DAB1: variants seen among roughly 807,000 people sequenced by gnomAD.
DAB1 encodes disabled homolog 1.
DAB1 carries 15 observed loss-of-function variants against 64.6 expected under a neutral mutation model. The observed-to-expected ratio is 0.23, with a 90% CI of 0.16 to 0.36. The LOEUF (loss-of-function observed/expected upper bound fraction) is 0.36. Among genes scored for constraint, DAB1 ranks in the 10% least tolerant of loss-of-function variants. The probability of loss-of-function intolerance (pLI) is 1.00; values close to 1 mark genes in which losing one functional copy is unlikely to be tolerated. For synonymous variants in DAB1, 235 were observed against 251.9 expected, an observed-to-expected ratio of 0.93 and a Z score of 0.64; for missense variants, 596 against 706.7, an observed-to-expected ratio of 0.84 and a Z score of 1.78.
intron 3 of DAB1, among the ~76,000 whole-genome samples, chr1:58,350,229 T>G (rs1311537075): frequency 3.3e-5 from 5 of 152,218 alleles, no homozygotes; most frequent in Non-Finnish European, 7.3e-5. Context: ...TTTTTTCACG[T>G]GTTTGTTGGC....
chr1:57,714,487 A>C (rs1647062045), intron 6 of DAB1, among the ~76,000 whole-genome samples: 2 of 152,216 alleles, frequency 1.3e-5, no homozygotes, highest in Admixed American at 1.3e-4. Context: ...TCTGGGGAGA[A>C]GATCCCAGAG....
At position 57,484,465 on chromosome 1, in the gene DAB1, G is replaced by A. The variant is rs536341830; in HGVS notation, n.625+165127C>T. Among the ~76,000 whole-genome samples the A allele has an allele frequency of 5.3e-5, 8 of 152,270 alleles. No individual in the cohort carries two copies. The South Asian group carries it at 1.2e-3, about 24-fold the overall frequency. The stretch of plus-strand genomic sequence containing the variant: ...AATGGTCCTTTCCAAGCAAGCAAAG[G>A]CATGGTGAGAAATAATTTGATTCCA... On this transcript the variant is annotated intron_variant and non_coding_transcript_variant, in intron 7 of 20. Transcript: ENST00000485760.
At position 58,139,660 on chromosome 1, in the gene DAB1, G is replaced by A. The variant is rs567310168; in HGVS notation, n.387+10851C>T. 6.4e-4 allele frequency among the ~76,000 whole-genome samples: 98 copies of A among 152,246 alleles called. 3 individuals carry two copies. In the South Asian group the frequency reaches 0.013, roughly 20 times the overall value. On this transcript the variant is annotated intron_variant and non_coding_transcript_variant, in intron 5 of 20. Coordinates refer to the DAB1 transcript ENST00000485760. The stretch of plus-strand genomic sequence containing the variant: ...GGTTGGGTGGGGACACAGCCAAACC[G>A]TATCATTTACCGAGCATGGTACTAA...
At position 58,300,612 on chromosome 1, in the gene DAB1, G is replaced by GAAAGAAAGAA. The variant is rs1456432665; in HGVS notation, n.309+42739_309+42740insTTCTTTCTTT. 6.9e-3 allele frequency among the ~76,000 whole-genome samples: 309 copies of GAAAGAAAGAA among 44,464 alleles called. 2 individuals are homozygous for GAAAGAAAGAA. Among genetic ancestry groups the GAAAGAAAGAA allele is most frequent in the African/African-American group, 0.015 (207 of 13,572 alleles). The allele number at this position is 44,464 out of a possible 152,430, so 29.2% of individuals were successfully genotyped here. ...AGAAAGAAAGAAAGAAAGAAAGAAA[G>GAAAGAAAGAA]AGAGAGAGAGAGAGAGAGAGAGAGA... On this transcript the variant is annotated intron_variant and non_coding_transcript_variant, in intron 4 of 20. Transcript: ENST00000485760.
At chr1:57,019,900 C>G (rs1343950922) in intron 11 of DAB1, among the ~76,000 whole-genome samples, 6 of 151,972 alleles carry the variant, frequency 3.9e-5, no homozygotes, top group Non-Finnish European at 7.4e-5. Flanking sequence ...TGGGGATGCC[C>G]CCATTATTTG....
chr1:57,966,438 G>A (rs1023613914), intron 5 of DAB1, among the ~76,000 whole-genome samples: 5 of 152,070 alleles, frequency 3.3e-5, no homozygotes, highest in African/African-American at 1.2e-4. Flanking sequence ...GAAGAACTGA[G>A]GCACCCAGCC....
chr1:57,668,732 A>G (rs1267260257), intron 6 of DAB1, among the ~76,000 whole-genome samples: 1 of 152,158 alleles, frequency 6.6e-6, no homozygotes, highest in Non-Finnish European at 1.5e-5. Context: ...TCTAGATCCT[A>G]AAAAGAGTGC....
rs57671970 is a variant in DAB1 at position 57,227,519 on chromosome 1, T to TTGTGTGTGTG, written c.67+63435_67+63444dup. On this transcript the variant is annotated intron_variant, in intron 2 of 14. Transcript: ENST00000371236. ...AAGTGGAGGCAGGATTTTTTTTCTT[T>TTGTGTGTGTG]TGTGTGTGTGTGTGTGTGTGTGTGT... Among the ~76,000 whole-genome samples, 670 of 135,790 alleles carry TTGTGTGTGTG rather than the reference T, an allele frequency of 4.9e-3. 3 individuals carry two copies. Among genetic ancestry groups the TTGTGTGTGTG allele is most frequent in the East Asian group, 0.01 (45 of 4,386 alleles). The allele number at this position is 135,790 out of a possible 152,430, so 89.1% of individuals were successfully genotyped here.
chr1:57,396,378 T>A (rs1173730477), intron 1 of DAB1, among the ~76,000 whole-genome samples: 1 of 152,174 alleles, frequency 6.6e-6, no homozygotes, highest in African/African-American at 2.4e-5. Context: ...GTTTTTTTGT[T>A]TTGTTTTGGT....
intron 9 of DAB1, among the ~76,000 whole-genome samples, chr1:57,028,294 T>C (rs1187702694): frequency 6.6e-6 from 1 of 152,220 alleles, no homozygotes; most frequent in African/African-American, 2.4e-5. Flanking sequence ...TTTCCCTTGC[T>C]GCTGCCATGT....
chr1:58,376,984 A>C (rs1644334266), intron 3 of DAB1, among the ~76,000 whole-genome samples: 6 of 90,370 alleles, frequency 6.6e-5, no homozygotes, highest in East Asian at 3.4e-4. Flanking sequence ...CTGTTTTATC[A>C]GAGACTAGGA....
intron 4 of DAB1, among the ~76,000 whole-genome samples, chr1:58,263,626 A>G (rs948098655): frequency 6.6e-6 from 1 of 152,210 alleles, no homozygotes; most frequent in Admixed American, 6.5e-5. Context: ...TGTTGTGTTC[A>G]CTTTGGAATT....
Position 57,672,979 on chromosome 1 carries a change from T to C in DAB1, n.552-23314A>G, listed in dbSNP as rs1435526818. Among the ~76,000 whole-genome samples, 3 of 152,206 alleles carry C rather than the reference T, an allele frequency of 2.0e-5. No homozygotes were observed. In the East Asian group the frequency reaches 5.8e-4, roughly 29 times the overall value. Reference sequence around the variant, plus strand: ...GAGATCATCATAGTGACTCATCTTTTGGTGAGGATATGTGTGTGTGTCATA... The same window carrying C: ...GAGATCATCATAGTGACTCATCTTTCGGTGAGGATATGTGTGTGTGTCATA... On this transcript the variant is annotated intron_variant and non_coding_transcript_variant, in intron 6 of 20. Coordinates refer to the DAB1 transcript ENST00000485760.
chr1:57,325,240 C>T (rs1216151756), intron 1 of DAB1, among the ~76,000 whole-genome samples: 2 of 152,216 alleles, frequency 1.3e-5, no homozygotes, highest in Non-Finnish European at 2.9e-5. Flanking sequence ...TCTCTGTACA[C>T]ATTTCTGAGC....
chr1:58,211,997 C>T (rs1470619920), intron 4 of DAB1, among the ~76,000 whole-genome samples: 3 of 152,118 alleles, frequency 2.0e-5, no homozygotes, highest in Non-Finnish European at 4.4e-5. Context: ...ATCCCCTGCT[C>T]CCCAGATCCC....
chr1:58,244,813 G>A (rs1056750905), intron 4 of DAB1, among the ~76,000 whole-genome samples: 3 of 152,172 alleles, frequency 2.0e-5, no homozygotes, highest in African/African-American at 4.8e-5. Context: ...ATCGTTAGGA[G>A]GATGAAACCA....
At chr1:57,904,558 C>T (rs1430541331) in intron 5 of DAB1, among the ~76,000 whole-genome samples, 1 of 152,136 alleles carries the variant, frequency 6.6e-6, no homozygotes, top group Non-Finnish European at 1.5e-5. Flanking sequence ...GAAGAGTAAT[C>T]AGCGCAAGGC....
At chr1:58,370,003 A>G (rs1644249855) in intron 3 of DAB1, among the ~76,000 whole-genome samples, 1 of 152,258 alleles carries the variant, frequency 6.6e-6, no homozygotes, top group Non-Finnish European at 1.5e-5. Flanking sequence ...ACTTGGCAGC[A>G]ACTAGTAAAA....
chr1:58,343,827 A>G (rs1025148711), intron 3 of DAB1, among the ~76,000 whole-genome samples: 2 of 152,194 alleles, frequency 1.3e-5, no homozygotes, highest in Admixed American at 1.3e-4. Flanking sequence ...GTGAGTTGTC[A>G]AGTGCTGTAA....
Sources: allele counts gnomAD v4.1 joint callset (sites outside exome capture counted in the v4.1 genomes callset), GRCh38; gene constraint gnomAD v4.1.1; transcripts MANE v1.5; gene names NCBI Gene and HGNC (gene_info 2026-07-23, HGNC 2026-07-21).